CREB3L2: variants seen among roughly 807,000 people sequenced by gnomAD.
CREB3L2 encodes cyclic AMP-responsive element-binding protein 3-like protein 2.
Under a neutral mutation model 57.2 loss-of-function variants are expected in CREB3L2, and 23 were observed. The observed-to-expected ratio is 0.40, with a 90% CI of 0.29 to 0.57. The LOEUF is 0.57. Among genes scored for constraint, CREB3L2 ranks in the 20% least tolerant of loss-of-function variants. The pLI, the probability that CREB3L2 is intolerant of heterozygous loss-of-function variation, is 0.42. For synonymous variants in CREB3L2, 268 were observed against 265.1 expected (o/e 1.01, Z -0.11); for missense variants, 628 against 634.7 (o/e 0.99, Z 0.11).
intron 1 of CREB3L2, among the ~76,000 whole-genome samples, chr7:137,996,335 G>A (rs892845240): frequency 2.0e-5 from 3 of 152,210 alleles, no homozygotes; most frequent in Non-Finnish European, 4.4e-5. Context: ...AAGAAAGGAG[G>A]GGAACACAAA....
In CREB3L2 at chr7:137,901,322, G is replaced by C. The variant is rs190060944; in HGVS notation, c.1043+32C>G. On this transcript the variant is annotated intron_variant, in intron 8 of 11. Coordinates refer to ENST00000330387, the MANE Select transcript of CREB3L2 (RefSeq NM_194071.4). ...CTTCCTTCCCCATCTTCCATTGGTA[G>C]CGCAATCAGCTCTCAGTCCAGTGAC... The C allele has an allele frequency of 6.4e-5, 83 of 1,307,018 alleles. No homozygotes were observed. The East Asian group carries it at 1.9e-3, about 30-fold the overall frequency. 81.0% of individuals were successfully genotyped at this position (1,307,018 alleles called of 1,614,324 possible). A position where few individuals can be genotyped will look rare whatever the true frequency, so the allele number is the denominator to read the frequency against.
chr7:137,978,024 C>T (rs999919428), intron 1 of CREB3L2, among the ~76,000 whole-genome samples: 1 of 152,042 alleles, frequency 6.6e-6, no homozygotes, highest in African/African-American at 2.4e-5. Context: ...AAACTTGATG[C>T]CTTACAATTA....
chr7:137,938,081 G>A (rs1013976065), intron 1 of CREB3L2, among the ~76,000 whole-genome samples: 4 of 152,172 alleles, frequency 2.6e-5, no homozygotes, highest in Non-Finnish European at 5.9e-5. Flanking sequence ...CTCTGACACG[G>A]ATACTATAAT....
chr7:137,906,087 G>A (rs1197939669), intron 5 of CREB3L2, among the ~76,000 whole-genome samples: 3 of 152,054 alleles, frequency 2.0e-5, no homozygotes. Flanking sequence ...GAATAAAGAA[G>A]CCTCCACCCA....
chr7:137,963,635 C>T (rs1356528839), intron 1 of CREB3L2, among the ~76,000 whole-genome samples: 4 of 152,136 alleles, frequency 2.6e-5, no homozygotes, highest in African/African-American at 9.7e-5. Flanking sequence ...TTTCTAACTT[C>T]CTCCTTCACG....
chr7:137,988,492 A>G (rs1014026625), intron 1 of CREB3L2, among the ~76,000 whole-genome samples: 1 of 152,208 alleles, frequency 6.6e-6, no homozygotes, highest in African/African-American at 2.4e-5. Context: ...CTATGTTTCT[A>G]CCACTTGAAT....
Position 137,905,777 on chromosome 7 carries a change from G to T in CREB3L2, c.840C>A (p.Pro280=). ...TTGACAGGGGCAATTTGGTGGGGAT[G>T]GGATAGCCCTCAGCGATCAGGGTCC... The part of the protein sequence containing the change: ...EKRTLIAEGY[P]IPTKLPLSKS... Residue 280 remains proline (P), a synonymous_variant, in exon 6 of 12, where the codon CCC becomes CCA. Transcript: ENST00000330387. The T allele has an allele frequency of 6.2e-7, 1 of 1,614,000 alleles. No homozygotes were observed. Among genetic ancestry groups the T allele is most frequent in the Non-Finnish European group, 8.5e-7 (1 of 1,179,876 alleles).
At chr7:137,981,590 T>G (rs1801712578) in intron 1 of CREB3L2, among the ~76,000 whole-genome samples, 1 of 152,118 alleles carries the variant, frequency 6.6e-6, no homozygotes, top group Admixed American at 6.5e-5. Flanking sequence ...TATATACCCA[T>G]GAGTCCCAGC....
chr7:137,921,954 A>C (rs1000820499), intron 2 of CREB3L2, among the ~76,000 whole-genome samples: 1 of 142,504 alleles, frequency 7.0e-6, no homozygotes, highest in African/African-American at 2.6e-5. Context: ...TTTTTTTTTG[A>C]TAGAGATGAG....
intron 1 of CREB3L2, among the ~76,000 whole-genome samples, chr7:137,941,855 T>C (rs1281640899): frequency 1.3e-5 from 2 of 152,242 alleles, no homozygotes; most frequent in African/African-American, 4.8e-5. Context: ...TCGCTAAAAC[T>C]GGGACAAAAT....
rs139821707 is a variant in CREB3L2, at chr7:137,947,293, C to T, written c.103-18927G>A. ...TATTTTGTTATGGCAGCCACACCCGCTCAACACCCGTAGCAAGAGAAAACT... is the reference window on the plus strand; with the variant it reads ...TATTTTGTTATGGCAGCCACACCCGTTCAACACCCGTAGCAAGAGAAAACT... On this transcript the variant is annotated intron_variant, in intron 1 of 11. Coordinates refer to ENST00000330387, the MANE Select transcript of CREB3L2 (RefSeq NM_194071.4). 3.9e-3 allele frequency among the ~76,000 whole-genome samples: 595 copies of T among 152,050 alleles called. 2 individuals carry two copies. The Middle Eastern group carries it at 0.041, about 10-fold the overall frequency.
chr7:137,902,215 G>C (rs1415347902), intron 7 of CREB3L2, among the ~76,000 whole-genome samples: 1 of 84,316 alleles, frequency 1.2e-5, no homozygotes, highest in African/African-American at 3.7e-5. Flanking sequence ...AAAAAAAAGA[G>C]GGAGCTGAGT....
rs1800115567 is a variant in CREB3L2 at position 137,915,791 on chromosome 7, GTATCTT to G, written c.495+40_495+45del. 5 of 1,529,654 alleles carry G rather than the reference GTATCTT, an allele frequency of 3.3e-6. No individual in the cohort carries two copies. In the East Asian group the frequency reaches 1.1e-4, roughly 34 times the overall value. 94.8% of individuals were successfully genotyped at this position (1,529,654 alleles called of 1,614,324 possible). The stretch of plus-strand genomic sequence containing the variant: ...CTTATTGGAGAATGAGGATCTATCT[GTATCTT>G]TTAATCCAACCTGTTTAAACAGACG... On this transcript the variant is annotated intron_variant, in intron 3 of 11. Transcript: ENST00000330387.
chr7:137,916,064 T>C (rs73456329), intron 2 of CREB3L2, 52 bp from the exon 3 acceptor site: 14,868 of 1,485,244 alleles, frequency 0.01, 499 homozygotes, highest in African/African-American at 0.087. Flanking sequence ...GCATCAGGCA[T>C]AAGCAAAACA....
rs1236491481 is a variant in CREB3L2, at chr7:137,913,049, A to G, written c.525T>C (p.Pro175=). Residue 175 remains proline, a synonymous_variant, in exon 4 of 12, where the codon CCT becomes CCC. Coordinates refer to ENST00000330387, the MANE Select transcript of CREB3L2 (RefSeq NM_194071.4). ...CTTCATGAGGCTCCAGCTTAATTTT[A>G]GGAATAATGGTCTGGCACGAGGAAT... The part of the protein sequence containing the change: ...GVDSSCQTII[P]KIKLEPHEVD... The G allele has an allele frequency of 1.9e-6, 3 of 1,613,878 alleles. No homozygotes were observed. The African/African-American group carries it at 4.0e-5, about 22-fold the overall frequency.
chr7:137,973,724 T>G (rs1454380072), intron 1 of CREB3L2, among the ~76,000 whole-genome samples: 1 of 152,194 alleles, frequency 6.6e-6, no homozygotes, highest in Non-Finnish European at 1.5e-5. Flanking sequence ...AGTCTTCAAA[T>G]CCTTCTCTTA....
chr7:137,953,681 C>T (rs1032138710), intron 1 of CREB3L2, among the ~76,000 whole-genome samples: 4 of 152,132 alleles, frequency 2.6e-5, no homozygotes, highest in African/African-American at 9.7e-5. Flanking sequence ...CTTTCTAATG[C>T]CAAGCCTTCA....
At chr7:137,984,290 C>T (rs933222905) in intron 1 of CREB3L2, among the ~76,000 whole-genome samples, 4 of 152,246 alleles carry the variant, frequency 2.6e-5, no homozygotes, top group Non-Finnish European at 4.4e-5. Context: ...CACACTCACA[C>T]CTTCCTGGCC....
rs893717371 is a variant in CREB3L2, at chr7:137,877,181, GAA to G, written c.*3293_*3294del. The G allele has an allele frequency of 9.9e-6, 2 of 202,300 alleles. No homozygotes were observed. The highest frequency in any genetic ancestry group is 2.0e-5 in the Non-Finnish European group (2 of 101,262). 12.5% of individuals were successfully genotyped at this position (202,300 alleles called of 1,614,324 possible). On this transcript the variant is annotated 3_prime_UTR_variant, in exon 12 of 12. Transcript: ENST00000330387. The stretch of plus-strand genomic sequence containing the variant: ...CAAGCTGAACCAAGAGATTTAGGAA[GAA>G]AAAAAAAAACATGGTAATTATAAGG...
Sources: allele counts gnomAD v4.1 joint callset (sites outside exome capture counted in the v4.1 genomes callset), GRCh38; gene constraint gnomAD v4.1.1; transcripts MANE v1.5; gene names NCBI Gene and HGNC (gene_info 2026-07-23, HGNC 2026-07-21).